WBP4: variants seen among roughly 807,000 people sequenced by gnomAD.
The protein encoded by WBP4 is WW domain binding protein 4.
Under a neutral mutation model 55.4 loss-of-function variants are expected in WBP4, and 37 were observed. The observed-to-expected ratio is 0.67, with a 90% CI of 0.51 to 0.88. WBP4 has a LOEUF of 0.88. Among genes scored for constraint, WBP4 ranks in the 40% least tolerant of loss-of-function variants. The pLI, the probability that WBP4 is intolerant of heterozygous loss-of-function variation, is 0.00. For missense variants in WBP4, 398 were observed against 420.8 expected (o/e 0.95, Z 0.47); for synonymous variants, 142 against 140.2 (o/e 1.01, Z -0.09).
At chr13:41,077,282 TCAG>T (rs1233577682) in intron 8 of WBP4, among the ~76,000 whole-genome samples, 1 of 152,094 alleles carries the variant, frequency 6.6e-6, no homozygotes, top group Non-Finnish European at 1.5e-5. Flanking sequence ...ATAAAAACCT[TCAG>T]CAAACTAGGC....
At chr13:41,072,941 G>A in intron 7 of WBP4, 84 bp downstream of exon 7, 4 of 1,044,528 alleles carry the variant, frequency 3.8e-6, no homozygotes, top group South Asian at 1.6e-5. Flanking sequence ...ATCTGAACTT[G>A]GAAATTTTAG....
chr13:41,075,424 C>G (rs1032105211), intron 7 of WBP4, among the ~76,000 whole-genome samples: 2 of 152,130 alleles, frequency 1.3e-5, no homozygotes, highest in East Asian at 1.9e-4. Flanking sequence ...CTCTGTCCCC[C>G]AGACTGGAGT....
rs1386422690 is a variant in WBP4, at chr13:41,083,175, A to G, written c.*261A>G. ...TAATTAAGTCATAATTTAAGATGCT[A>G]TGTATCTGTTATTTAAAACATGGAG... On this transcript the variant is annotated 3_prime_UTR_variant, in exon 10 of 10. Transcript: ENST00000379487. 1.5e-5 allele frequency: 5 copies of G among 327,454 alleles called. No individual in the cohort carries two copies. The highest frequency in any genetic ancestry group is 2.8e-5 in the Non-Finnish European group (5 of 177,126). 20.3% of individuals were successfully genotyped at this position (327,454 alleles called of 1,614,324 possible).
chr13:41,075,989 T>G lies in WBP4; in HGVS notation c.563-55T>G, dbSNP rs935791373. The G allele has an allele frequency of 1.8e-5, 27 of 1,533,260 alleles. No individual in the cohort carries two copies. The Middle Eastern group carries it at 5.4e-4, about 31-fold the overall frequency. The allele number at this position is 1,533,260 out of a possible 1,614,324, so 95.0% of individuals were successfully genotyped here. On this transcript the variant is annotated intron_variant, in intron 7 of 9. Transcript: ENST00000379487. ...TAAGTGATAAATGTTATGTTGAAAT[T>G]ACATCTGAATAGAATTAATAACTAA...
intron 6 of WBP4, among the ~76,000 whole-genome samples, chr13:41,072,239 A>G (rs1157010133): frequency 6.6e-6 from 1 of 152,262 alleles, no homozygotes; most frequent in East Asian, 1.9e-4. Context: ...CTTCCTGGCC[A>G]TGATTAGTAC....
At position 41,068,612 on chromosome 13, in the gene WBP4, C is replaced by T. The variant is rs749569132; in HGVS notation, c.314C>T (p.Ser105Leu). 6.8e-6 allele frequency: 11 copies of T among 1,612,832 alleles called. No homozygotes were observed. Among genetic ancestry groups the T allele is most frequent in the Admixed American group, 3.3e-5 (2 of 59,854 alleles). Reference protein sequence around the residue: ...TPVTSTIPPTSTSNQQKEKKE... With the variant: ...TPVTSTIPPTLTSNQQKEKKE... ...GTAACCAGCACTATCCCACCTACCT[C>T]GACATCAAATCAACAGAAAGAAAAG... Residue 105 changes from serine to leucine, a missense_variant, in exon 5 of 10, where the codon TCG (serine) becomes TTG (leucine). Coordinates refer to ENST00000379487, the MANE Select transcript of WBP4 (RefSeq NM_007187.5).
At chr13:41,062,611 C>T (rs1372545174) in intron 1 of WBP4, 33 bp from the exon 2 acceptor site, 1 of 1,592,246 alleles carries the variant, frequency 6.3e-7, no homozygotes, top group East Asian at 2.2e-5. Context: ...TTAAGTTTTA[C>T]ATGAGCTTAG....
intron 5 of WBP4, 103 bp downstream of exon 5, chr13:41,068,840 T>C (rs1180402735): frequency 7.9e-7 from 1 of 1,264,452 alleles, no homozygotes; most frequent in Non-Finnish European, 1.0e-6. Context: ...GCACTTTAAA[T>C]AGTGAAAGAC....
chr13:41,080,598 T>A (rs760846524), intron 8 of WBP4, 48 bp from the exon 9 acceptor site: 1 of 1,422,598 alleles, frequency 7.0e-7, no homozygotes, highest in Non-Finnish European at 9.6e-7. Flanking sequence ...TATTTTTGTC[T>A]TGGTAGTTTT....
At chr13:41,080,869 C>T in intron 9 of WBP4, 60 bp downstream of exon 9, 1 of 1,511,594 alleles carries the variant, frequency 6.6e-7, no homozygotes. Context: ...CCCAGTACTT[C>T]CCTAAATTGC....
chr13:41,062,124 T>TTTTG, intron 1 of WBP4: 1 of 955,646 alleles, frequency 1.0e-6, no homozygotes, highest in Non-Finnish European at 1.2e-6. Flanking sequence ...TTTTTTTTTT[T>TTTTG]GTCGGCCGTC....
At chr13:41,075,784 G>C (rs1732791118) in intron 7 of WBP4, among the ~76,000 whole-genome samples, 1 of 152,120 alleles carries the variant, frequency 6.6e-6, no homozygotes, top group African/African-American at 2.4e-5. Flanking sequence ...TGAACCGTTA[G>C]AAATATCACC....
In WBP4 at chr13:41,061,595, G is replaced by T. The variant is rs1484229091; in HGVS notation, c.-79G>T. 1.2e-6 allele frequency: 2 copies of T among 1,612,108 alleles called. No individual in the cohort carries two copies. The highest frequency in any genetic ancestry group is 1.7e-6 in the Non-Finnish European group (2 of 1,179,010). Reference sequence around the variant, plus strand: ...GGTTCGGGTGGGCATCGGGCGGCTGGAAGAGCTCGACTCGTCCCGCTGGGA... The same window carrying T: ...GGTTCGGGTGGGCATCGGGCGGCTGTAAGAGCTCGACTCGTCCCGCTGGGA... On this transcript the variant is annotated 5_prime_UTR_variant, in exon 1 of 10. Coordinates refer to ENST00000379487, the MANE Select transcript of WBP4 (RefSeq NM_007187.5).
intron 5 of WBP4, among the ~76,000 whole-genome samples, chr13:41,071,006 C>G (rs1878218755): frequency 6.6e-6 from 1 of 152,184 alleles, no homozygotes; most frequent in Admixed American, 6.5e-5. Context: ...TGATTATGTA[C>G]TAGCAATTAG....
intron 1 of WBP4, among the ~76,000 whole-genome samples, chr13:41,061,951 C>G (rs933033943): frequency 3.5e-4 from 53 of 152,136 alleles, no homozygotes; most frequent in African/African-American, 1.2e-3. Context: ...GGTGAAGCGA[C>G]GCAGTGCTCT....
chr13:41,062,505 A>G (rs1877731701), intron 1 of WBP4, 139 bp from the exon 2 acceptor site: 2 of 775,654 alleles, frequency 2.6e-6, no homozygotes, highest in Non-Finnish European at 3.8e-6. Context: ...AACCAGATAA[A>G]TAATAAAACG....
At chr13:41,062,496 A>T (rs1372383415) in intron 1 of WBP4, 148 bp from the exon 2 acceptor site, 1 of 751,310 alleles carries the variant, frequency 1.3e-6, no homozygotes, top group East Asian at 2.9e-5. Context: ...CTGTGCTCCA[A>T]CCAGATAAAT....
At chr13:41,080,880 AG>A in intron 9 of WBP4, 71 bp downstream of exon 9, 1 of 1,455,512 alleles carries the variant, frequency 6.9e-7, no homozygotes, top group South Asian at 1.2e-5. Flanking sequence ...CCTAAATTGC[AG>A]TAAGTAATTT....
Position 41,080,753 on chromosome 13 carries a change from T to A in WBP4, c.864T>A (p.Leu288=). ...CAAATGAAGAAAAATCGAAAACTCT[T>A]AAGAAATCAAACCCATATGGAGAAT... ...LGSNEEKSKT[L]KKSNPYGEWQ... is the part of the protein sequence containing the mutation. Residue 288 remains leucine, a synonymous_variant, in exon 9 of 10, where the codon CTT becomes CTA. Coordinates refer to ENST00000379487, the MANE Select transcript of WBP4 (RefSeq NM_007187.5). 15 of 1,607,592 alleles carry A rather than the reference T, an allele frequency of 9.3e-6. No homozygotes were observed. Among genetic ancestry groups the A allele is most frequent in the Non-Finnish European group, 1.3e-5 (15 of 1,178,606 alleles).
Sources: allele counts gnomAD v4.1 joint callset (sites outside exome capture counted in the v4.1 genomes callset), GRCh38; gene constraint gnomAD v4.1.1; transcripts MANE v1.5; gene names NCBI Gene and HGNC (gene_info 2026-07-23, HGNC 2026-07-21).